CDK15: variants seen among roughly 807,000 people sequenced by gnomAD.
CDK15 encodes the protein cyclin-dependent kinase 15.
CDK15 carries 62 observed loss-of-function variants against 60.3 expected under a neutral mutation model. That is an observed-to-expected ratio of 1.03 (90% CI 0.84 to 1.27). CDK15 has a LOEUF of 1.27. CDK15 is among the 50% of genes most tolerant of loss of function. The pLI, the probability that CDK15 is intolerant of heterozygous loss-of-function variation, is 0.00. For synonymous variants in CDK15, 194 were observed against 195.7 expected (o/e 0.99, Z 0.07); for missense variants, 541 against 527.8 (o/e 1.03, Z -0.25).
intron 4 of CDK15, among the ~76,000 whole-genome samples, chr2:201,820,403 G>A (rs1696168065): frequency 6.6e-6 from 1 of 152,144 alleles, no homozygotes; most frequent in South Asian, 2.1e-4. Context: ...AGAGGGAAGG[G>A]ATACTAATTC....
At chr2:201,848,295 A>G (rs1001353904) in intron 9 of CDK15, among the ~76,000 whole-genome samples, 2 of 152,106 alleles carry the variant, frequency 1.3e-5, no homozygotes, top group Non-Finnish European at 2.9e-5. Flanking sequence ...TGCCTATGAT[A>G]TGCTTTGTTT....
rs762488718 is a variant in CDK15 at position 201,880,037 on chromosome 2, G to A, written c.1068G>A (p.Arg356=). ...SLHVVWNRLG[R]VPEAEDLASQ... is the part of the protein sequence containing the mutation. ...TCTCCCACTTTTCCAGGCTGGGCAG[G>A]GTTCCTGAAGCTGAAGACCTGGCCT... is the stretch of plus-strand genomic sequence containing the variant. Residue 356 remains arginine (R), a synonymous_variant, in exon 12 of 14, where the codon AGG becomes AGA. Coordinates refer to ENST00000652192, the MANE Select transcript of CDK15 (RefSeq NM_001366386.2). The A allele has an allele frequency of 1.2e-6, 2 of 1,613,964 alleles. No individual in the cohort carries two copies. Among genetic ancestry groups the A allele is most frequent in the South Asian group, 1.1e-5 (1 of 91,066 alleles).
At chr2:201,884,116 A>C (rs572999813) in intron 12 of CDK15, among the ~76,000 whole-genome samples, 5 of 152,244 alleles carry the variant, frequency 3.3e-5, no homozygotes, top group Non-Finnish European at 7.3e-5. Context: ...CTGAGGCAGT[A>C]AATGACACGT....
intron 10 of CDK15, among the ~76,000 whole-genome samples, chr2:201,866,460 A>C (rs1698637680): frequency 6.6e-6 from 1 of 151,990 alleles, no homozygotes; most frequent in South Asian, 2.1e-4. Flanking sequence ...TTTTGATTTC[A>C]CTCCACTTAG....
intron 10 of CDK15, among the ~76,000 whole-genome samples, chr2:201,870,521 C>A (rs374086681): frequency 8.0e-3 from 1,064 of 133,420 alleles, no homozygotes; most frequent in Non-Finnish European, 0.01. Context: ...CCAGCCTGGA[C>A]AAAAAAAAAA....
intron 12 of CDK15, 42 bp from the exon 13 acceptor site, chr2:201,890,743 A>G: frequency 2.3e-5 from 33 of 1,465,404 alleles, no homozygotes; most frequent in Non-Finnish European, 3.1e-5. Flanking sequence ...AGAAGATCCC[A>G]GGAAATAACA....
intron 5 of CDK15, 149 bp from the exon 6 acceptor site, chr2:201,823,516 A>T: frequency 1.5e-6 from 1 of 679,728 alleles, no homozygotes; most frequent in Non-Finnish European, 2.6e-6. Flanking sequence ...GTGGGTTCTC[A>T]GAAAACCTGG....
At chr2:201,870,621 C>T (rs997138820) in intron 10 of CDK15, among the ~76,000 whole-genome samples, 2 of 151,520 alleles carry the variant, frequency 1.3e-5, no homozygotes, top group Non-Finnish European at 2.9e-5. Flanking sequence ...CCCAGCTACT[C>T]CAGAGGCTGA....
At chr2:201,820,617 C>A (rs576495400) in intron 4 of CDK15, among the ~76,000 whole-genome samples, 2 of 152,144 alleles carry the variant, frequency 1.3e-5, no homozygotes, top group Non-Finnish European at 2.9e-5. Flanking sequence ...GCTTCTGGCT[C>A]CACAGACAGT....
At position 201,835,673 on chromosome 2, in the gene CDK15, A is replaced by G. The variant is rs1397574344; in HGVS notation, c.761A>G (p.Gln254Arg). The G allele has an allele frequency of 3.1e-6, 5 of 1,610,290 alleles. No homozygotes were observed. The highest frequency in any genetic ancestry group is 4.2e-6 in the Non-Finnish European group (5 of 1,177,638). ...GCCCGGGCCAAGTCCATTCCCAGCC[A>G]GACATACTCTTCAGAAGTCGTGACC... is the stretch of plus-strand genomic sequence containing the variant. ...GLARAKSIPS[Q>R]TYSSEVVTLW... The change falls in exon 8 of 14, where the codon CAG becomes CGG. Residue 254 changes from glutamine to arginine, a missense_variant. Physicochemically the swap from Gln to Arg is conservative, Grantham distance 43. Transcript: ENST00000652192.
At chr2:201,812,596 T>C in intron 4 of CDK15, 34 bp downstream of exon 4, 1 of 1,446,410 alleles carries the variant, frequency 6.9e-7, no homozygotes, top group African/African-American at 1.4e-5. Context: ...AATAGATCTG[T>C]TTTGAGTCCT....
At chr2:201,835,274 A>G (rs1696956536) in intron 7 of CDK15, among the ~76,000 whole-genome samples, 1 of 152,218 alleles carries the variant, frequency 6.6e-6, no homozygotes, top group African/African-American at 2.4e-5. Context: ...TGTATGTTTC[A>G]AGATGGCTGC....
intron 3 of CDK15, 54 bp from the exon 4 acceptor site, chr2:201,812,429 T>C: frequency 8.7e-7 from 1 of 1,154,664 alleles, no homozygotes; most frequent in South Asian, 1.3e-5. Flanking sequence ...TTGGTATAAA[T>C]TGCTGCTTTG....
rs1397738310 is a variant in CDK15 at position 201,807,549 on chromosome 2, T to C, written c.179T>C (p.Leu60Pro). ...CSMTSFHPRG[L>P]QAARAQKFKS... ...ATGACTTCATTTCACCCCAGGGGAC[T>C]TCAAGCTGCCCGTGCCCAGAAGTTC... Residue 60 changes from leucine (L) to proline (P), a missense_variant, in exon 2 of 14, where the codon CTT (leucine) becomes CCT (proline). Transcript: ENST00000652192. The C allele has an allele frequency of 6.2e-7, 1 of 1,614,204 alleles. No homozygotes were observed. The highest frequency in any genetic ancestry group is 1.7e-5 in the Admixed American group (1 of 60,032).
chr2:201,812,555 C>A lies in CDK15; in HGVS notation c.441C>A (p.Ile147=). The stretch of plus-strand genomic sequence containing the variant: ...AGGAAGGAGTCCCATTTACAGCTAT[C>A]CGAGAAGGTAAGAACAGCAGAAATG... ...NAEEGVPFTA[I]REASLLKGLK... Residue 147 remains isoleucine, a synonymous_variant, in exon 4 of 14, where the codon ATC becomes ATA. Coordinates refer to ENST00000652192, the MANE Select transcript of CDK15 (RefSeq NM_001366386.2). The A allele has an allele frequency of 6.2e-7, 1 of 1,611,730 alleles. No individual in the cohort carries two copies. Among genetic ancestry groups the A allele is most frequent in the East Asian group, 2.2e-5 (1 of 44,764 alleles).
chr2:201,879,736 T>C (rs1026156795), intron 11 of CDK15, among the ~76,000 whole-genome samples: 1 of 152,096 alleles, frequency 6.6e-6, no homozygotes, highest in Admixed American at 6.6e-5. Context: ...TGTTTATAAT[T>C]ATATTTCTGT....
intron 10 of CDK15, among the ~76,000 whole-genome samples, chr2:201,865,530 C>T (rs1698584978): frequency 6.6e-6 from 1 of 152,116 alleles, no homozygotes. Context: ...TGAACAATGC[C>T]AAGGAGCACC....
intron 12 of CDK15, among the ~76,000 whole-genome samples, chr2:201,883,117 T>C (rs1699339791): frequency 6.6e-6 from 1 of 152,260 alleles, no homozygotes; most frequent in Non-Finnish European, 1.5e-5. Flanking sequence ...GCAAGAAATT[T>C]TGCTCTCTGG....
intron 8 of CDK15, among the ~76,000 whole-genome samples, chr2:201,842,047 G>A (rs1168117975): frequency 2.0e-5 from 3 of 152,136 alleles, no homozygotes; most frequent in Non-Finnish European, 4.4e-5. Flanking sequence ...GTGGCATTCA[G>A]TACATTCACA....
Sources: gnomAD v4.1 joint callset for allele counts (sites outside exome capture counted in the v4.1 genomes callset) on GRCh38, gnomAD v4.1.1 for gene constraint, MANE v1.5 for transcripts, NCBI Gene and HGNC (gene_info 2026-07-23, HGNC 2026-07-21) for gene names.